IQCH: variants seen among roughly 807,000 people sequenced by gnomAD.
IQCH encodes IQ domain-containing protein H.
IQCH carries 98 observed loss-of-function variants against 117.0 expected under a neutral mutation model. The ratio of observed to expected loss-of-function variants is 0.84; its 90% CI spans 0.71 to 0.99. IQCH has a LOEUF of 0.99. Ranked by LOEUF, IQCH falls within the 50% of genes least tolerant of loss-of-function variation. The probability of loss-of-function intolerance (pLI) is 0.00; values close to 1 mark genes in which losing one functional copy is unlikely to be tolerated. For missense variants in IQCH, 1,102 were observed against 1,243.8 expected, an observed-to-expected ratio of 0.89 and a Z score of 1.72; for synonymous variants, 412 against 448.2, an observed-to-expected ratio of 0.92 and a Z score of 1.02.
At position 67,410,914 on chromosome 15, in the gene IQCH, T is replaced by C. The variant is rs16953614; in HGVS notation, c.2098-6017T>C. Among the ~76,000 whole-genome samples, 451 of 152,246 alleles carry C rather than the reference T, an allele frequency of 3.0e-3. 6 individuals are homozygous for C. Among genetic ancestry groups the C allele is most frequent in the African/African-American group, 0.01 (430 of 41,546 alleles). On this transcript the variant is annotated intron_variant, in intron 14 of 20. Transcript: ENST00000335894. The stretch of plus-strand genomic sequence containing the variant: ...ATTCCACTGCATCATGGCACACTGG[T>C]AGCAATTGGGTTTGAATCCCTGTTT...
chr15:67,330,033 G>A (rs550433970), intron 4 of IQCH, among the ~76,000 whole-genome samples: 15 of 152,086 alleles, frequency 9.9e-5, no homozygotes, highest in African/African-American at 3.4e-4. Flanking sequence ...CCATCTGACT[G>A]CTCTGACCTC....
chr15:67,296,876 A>G (rs745754443), intron 4 of IQCH, among the ~76,000 whole-genome samples: 3 of 152,206 alleles, frequency 2.0e-5, no homozygotes, highest in Non-Finnish European at 2.9e-5. Flanking sequence ...TAGGACTCAA[A>G]TCAGTTGACT....
intron 16 of IQCH, among the ~76,000 whole-genome samples, chr15:67,423,198 C>G (rs2081793810): frequency 6.6e-6 from 1 of 152,090 alleles, no homozygotes; most frequent in African/African-American, 2.4e-5. Flanking sequence ...AACAATGCTC[C>G]CTGGGGAAAT....
At chr15:67,477,385 A>G (rs940013621) in intron 18 of IQCH, among the ~76,000 whole-genome samples, 1 of 152,132 alleles carries the variant, frequency 6.6e-6, no homozygotes, top group Non-Finnish European at 1.5e-5. Context: ...GCAGACCTTC[A>G]GCACGAGGCC....
rs144280046 is a variant in IQCH, at chr15:67,274,830, A to T, written c.270-4565A>T. Among the ~76,000 whole-genome samples, 163 of 152,152 alleles carry T rather than the reference A, an allele frequency of 1.1e-3. 1 individual carries two copies. The highest frequency in any genetic ancestry group is 3.9e-3 in the African/African-American group (160 of 41,496). On this transcript the variant is annotated intron_variant, in intron 3 of 20. Coordinates refer to ENST00000335894, the MANE Select transcript of IQCH (RefSeq NM_001031715.3). ...GCTTTTTTCTTTGTAATTTTTGAAT[A>T]TCTTTTTTTCCCCCACTAGGTTGCT... is the stretch of plus-strand genomic sequence containing the variant.
rs751941201 is a variant in IQCH, at chr15:67,261,275, C to T, written c.55C>T (p.His19Tyr). ...TTTTCATTTTTTATACCTATAGATC[C>T]ATGAAGACCTTTATCAGTTAAAGGA... is the stretch of plus-strand genomic sequence containing the variant. ...DPVGSILIQIHEDLYQLKEKL... is the reference protein window; with the variant it reads ...DPVGSILIQIYEDLYQLKEKL... Residue 19 changes from histidine to tyrosine, a missense_variant, in exon 2 of 21, where the codon CAT becomes TAT. This residue lies in a region of IQCH where 452 missense variants were observed against 449.6 expected (regional missense o/e 1.01). Transcript: ENST00000335894. 5.2e-6 allele frequency: 8 copies of T among 1,526,844 alleles called. No individual in the cohort carries two copies. In the Admixed American group the frequency reaches 1.3e-4, roughly 25 times the overall value. The allele number at this position is 1,526,844 out of a possible 1,614,324, so 94.6% of individuals were successfully genotyped here. A position where few individuals can be genotyped will look rare whatever the true frequency, so the allele number is the denominator to read the frequency against.
intron 4 of IQCH, among the ~76,000 whole-genome samples, chr15:67,292,624 A>T (rs946642775): frequency 4.1e-4 from 62 of 152,164 alleles, no homozygotes; most frequent in African/African-American, 1.4e-3. Context: ...CATCACTTAG[A>T]TTGAACAATT....
intron 16 of IQCH, among the ~76,000 whole-genome samples, chr15:67,434,137 G>C (rs2082077397): frequency 6.6e-6 from 1 of 152,058 alleles, no homozygotes; most frequent in African/African-American, 2.4e-5. Context: ...TATATAATAT[G>C]TGGTTATTAA....
intron 4 of IQCH, among the ~76,000 whole-genome samples, chr15:67,295,828 TAG>T (rs1966849191): frequency 6.6e-6 from 1 of 152,160 alleles, no homozygotes; most frequent in Non-Finnish European, 1.5e-5. Context: ...ATTAAGGCCT[TAG>T]TTTCTACAGT....
rs772864837 is a variant in IQCH, at chr15:67,500,556, C to T, written c.2971-77C>T. ...TAGAACTGGTCTAAACCATGGTGAACTCCCAAAAGGACCAGATGCTTGGGG... is the reference window on the plus strand; with the variant it reads ...TAGAACTGGTCTAAACCATGGTGAATTCCCAAAAGGACCAGATGCTTGGGG... On this transcript the variant is annotated intron_variant, in intron 20 of 20. Transcript: ENST00000335894. The surrounding 1 kb of genome is among the most constrained non-coding windows in gnomAD (Gnocchi z 4.4). 2.2e-4 allele frequency: 148 copies of T among 687,636 alleles called. No homozygotes were observed. Among genetic ancestry groups the T allele is most frequent in the Non-Finnish European group, 3.3e-4 (133 of 403,190 alleles). The allele number at this position is 687,636 out of a possible 1,614,324, so 42.6% of individuals were successfully genotyped here.
rs202087937 is a variant in IQCH, at chr15:67,439,731, C to CA, written c.2505+18162dup. Among the ~76,000 whole-genome samples the CA allele has an allele frequency of 5.3e-3, 798 of 151,128 alleles. 1 individual carries two copies. The highest frequency in any genetic ancestry group is 7.4e-3 in the Non-Finnish European group (499 of 67,714). ...AGAAACCCCATCTCTACTAAAAATA[C>CA]AAAAAAAATAGCTGGGCGTGATGAT... On this transcript the variant is annotated intron_variant, in intron 16 of 20. Coordinates refer to ENST00000335894, the MANE Select transcript of IQCH (RefSeq NM_001031715.3).
chr15:67,353,006 C>T (rs552845205), intron 6 of IQCH, among the ~76,000 whole-genome samples: 3 of 151,982 alleles, frequency 2.0e-5, no homozygotes, highest in Non-Finnish European at 2.9e-5. Context: ...ATTAGCCAGG[C>T]GTGGTGGTGC....
At chr15:67,419,878 T>G (rs1247623967) in intron 15 of IQCH, among the ~76,000 whole-genome samples, 1 of 152,228 alleles carries the variant, frequency 6.6e-6, no homozygotes, top group Admixed American at 6.5e-5. Flanking sequence ...TAAGCTACTT[T>G]GAAATAAAAT....
chr15:67,265,556 G>A (rs911932594), intron 3 of IQCH, among the ~76,000 whole-genome samples: 3 of 152,078 alleles, frequency 2.0e-5, no homozygotes, highest in East Asian at 3.9e-4. Context: ...ATGGGACAAG[G>A]TTAAACGAAA....
At chr15:67,299,091 A>C (rs887488681) in intron 4 of IQCH, among the ~76,000 whole-genome samples, 4 of 151,568 alleles carry the variant, frequency 2.6e-5, no homozygotes, top group Non-Finnish European at 4.4e-5. Flanking sequence ...AAAAAAAAAA[A>C]AACAATGAGA....
intron 3 of IQCH, among the ~76,000 whole-genome samples, chr15:67,272,446 G>A (rs188421379): frequency 6.2e-4 from 94 of 152,240 alleles, no homozygotes; most frequent in African/African-American, 2.1e-3. Context: ...GACCTGTCTG[G>A]TCTAGTATGT....
At chr15:67,352,648 T>C (rs564996691) in intron 6 of IQCH, among the ~76,000 whole-genome samples, 1 of 151,686 alleles carries the variant, frequency 6.6e-6, no homozygotes, top group East Asian at 2.0e-4. Flanking sequence ...TATTGAGGAG[T>C]CAGTGGTAGA....
At chr15:67,412,322 C>T (rs1180760600) in intron 14 of IQCH, among the ~76,000 whole-genome samples, 5 of 152,124 alleles carry the variant, frequency 3.3e-5, no homozygotes, top group African/African-American at 7.2e-5. Flanking sequence ...CTGATGTGGT[C>T]GCCCATCGTC....
Position 67,408,604 on chromosome 15 carries a change from T to G in IQCH, c.2097+8299T>G, listed in dbSNP as rs1238622473. The G allele has an allele frequency of 5.9e-5, 9 of 152,194 alleles. No individual in the cohort carries two copies. Among genetic ancestry groups the G allele is most frequent in the Non-Finnish European group, 1.5e-5 (1 of 68,042 alleles). The allele number at this position is 152,194 out of a possible 1,614,324, so 9.4% of individuals were successfully genotyped here. Reference sequence around the variant, plus strand: ...TTAACTAAAGTCACTGCTTGCCCATTCCTTTTGCATAAAATTAAAATATAA... The same window carrying G: ...TTAACTAAAGTCACTGCTTGCCCATGCCTTTTGCATAAAATTAAAATATAA... On this transcript the variant is annotated intron_variant, in intron 14 of 20. Transcript: ENST00000335894. The surrounding 1 kb of genome is among the most constrained non-coding windows in gnomAD (Gnocchi z 4.2).
Sources: allele counts gnomAD v4.1 joint callset (sites outside exome capture counted in the v4.1 genomes callset), GRCh38; gene constraint gnomAD v4.1.1; regional missense constraint gnomAD v4.1.1; non-coding constraint Gnocchi (gnomAD v3.1); transcripts MANE v1.5; gene names NCBI Gene and HGNC (gene_info 2026-07-23, HGNC 2026-07-21).